Variants in FAXDC2 observed in about 807,000 individuals in gnomAD.
FAXDC2 encodes the protein fatty acid hydroxylase domain containing 2.
FAXDC2 carries 41 observed loss-of-function variants against 40.9 expected under a neutral mutation model. The observed-to-expected ratio is 1.00, with a 90% CI of 0.78 to 1.30. The LOEUF (loss-of-function observed/expected upper bound fraction) is 1.30, where lower values mean the gene tolerates loss of function less well. Ranked by LOEUF, FAXDC2 falls within the 50% of genes most tolerant of loss-of-function variation. FAXDC2 has a pLI of 0.00. For synonymous variants in FAXDC2, 157 were observed against 149.3 expected (o/e 1.05, Z -0.38); for missense variants, 390 against 408.8 (o/e 0.95, Z 0.40).
chr5:154,833,696 GT>G (rs1315663720), intron 4 of FAXDC2, among the ~76,000 whole-genome samples: 2 of 149,446 alleles, frequency 1.3e-5, no homozygotes, highest in East Asian at 4.0e-4. Context: ...TTGAGACGAA[GT>G]TTCACACTGT....
rs1236875676 is a variant in FAXDC2, at chr5:154,818,718, G to A, written c.*1598C>T. ...CCCTTACAGTACCTCAAAATCTAAAGGCCTTAAAGGGGAAAAAAACCGTAT... is the reference window on the plus strand; with the variant it reads ...CCCTTACAGTACCTCAAAATCTAAAAGCCTTAAAGGGGAAAAAAACCGTAT... On this transcript the variant is annotated 3_prime_UTR_variant, in exon 9 of 9. Coordinates refer to ENST00000326080, the MANE Select transcript of FAXDC2 (RefSeq NM_032385.5). 1.3e-5 allele frequency: 2 copies of A among 152,128 alleles called. No homozygotes were observed. Among genetic ancestry groups the A allele is most frequent in the Non-Finnish European group, 2.9e-5 (2 of 68,016 alleles). 9.4% of individuals were successfully genotyped at this position (152,128 alleles called of 1,614,324 possible). A position where few individuals can be genotyped will look rare whatever the true frequency, so the allele number is the denominator to read the frequency against.
At chr5:154,824,460 C>T (rs1759971562) in intron 5 of FAXDC2, 2 of 702,474 alleles carry the variant, frequency 2.8e-6, no homozygotes, top group South Asian at 1.5e-5. Flanking sequence ...TGAGGCCTGC[C>T]TCTTCCTCCA....
At chr5:154,833,648 C>T (rs1760247397) in intron 4 of FAXDC2, among the ~76,000 whole-genome samples, 1 of 152,014 alleles carries the variant, frequency 6.6e-6, no homozygotes, top group Admixed American at 6.6e-5. Flanking sequence ...GCCACTGTGC[C>T]CAGCCCCATC....
Position 154,821,327 on chromosome 5 carries a change from T to C in FAXDC2, c.778A>G (p.Ile260Val). 6.2e-7 allele frequency: 1 copy of C among 1,610,218 alleles called. No individual in the cohort carries two copies. Among genetic ancestry groups the C allele is most frequent in the Non-Finnish European group, 8.5e-7 (1 of 1,178,594 alleles). ...WFSLALIITT[I>V]SHCGYHLPFL... Reference sequence around the variant, plus strand: ...GGAAGGTGGTAGCCACAGTGGGAGATGGTGGTGATGATGAGGGCCAAGGAA... The same window carrying C: ...GGAAGGTGGTAGCCACAGTGGGAGACGGTGGTGATGATGAGGGCCAAGGAA... Residue 260 changes from isoleucine (I) to valine (V), a missense_variant, in exon 8 of 9, where the codon ATC becomes GTC. Physicochemically the swap from Ile to Val is conservative, Grantham distance 29 (BLOSUM62 3). Transcript: ENST00000326080.
At chr5:154,835,118 G>A (rs2113152490) in intron 2 of FAXDC2, 184 bp from the exon 3 acceptor site, 2 of 580,618 alleles carry the variant, frequency 3.4e-6, no homozygotes, top group South Asian at 4.0e-5. Flanking sequence ...GGAGCTCTCA[G>A]GCTGTACATG....
At chr5:154,836,054 C>T (rs1760339797) in intron 2 of FAXDC2, 1 of 152,000 alleles carries the variant, frequency 6.6e-6, no homozygotes, top group Non-Finnish European at 1.5e-5. Flanking sequence ...CCATGCCCAC[C>T]TAATGTTTGT....
chr5:154,839,318 T>C, intron 1 of FAXDC2, among the ~76,000 whole-genome samples: 2 of 134,732 alleles, frequency 1.5e-5, no homozygotes. Context: ...AGAGCAAGAC[T>C]CCATCTCAAA....
chr5:154,830,927 G>A lies in FAXDC2; in HGVS notation c.245-5C>T, dbSNP rs1760172874. 1 of 1,613,368 alleles carries A rather than the reference G, an allele frequency of 6.2e-7. No homozygotes were observed. The highest frequency in any genetic ancestry group is 8.5e-7 in the Non-Finnish European group (1 of 1,179,496). ...GACAAGGCACTTGGATGGCACCTGAGATTGGGAAACAGAAACAGTCAGGGC... is the reference window on the plus strand; with the variant it reads ...GACAAGGCACTTGGATGGCACCTGAAATTGGGAAACAGAAACAGTCAGGGC... On this transcript the variant is annotated splice_region_variant and splice_polypyrimidine_tract_variant and intron_variant, in intron 4 of 8. Transcript: ENST00000326080.
chr5:154,841,610 T>A (rs571782135), intron 1 of FAXDC2, among the ~76,000 whole-genome samples: 1 of 152,338 alleles, frequency 6.6e-6, no homozygotes, highest in South Asian at 2.1e-4. Context: ...TTCTCCACCC[T>A]CATTGTCCTA....
intron 8 of FAXDC2, chr5:154,820,826 C>T (rs1296050917): frequency 1.2e-5 from 3 of 250,400 alleles, no homozygotes; most frequent in African/African-American, 6.9e-5. Context: ...CCCTGCTCCC[C>T]CAGATACCTT....
rs376299273 is a variant in FAXDC2 at position 154,838,193 on chromosome 5, C to T, written c.1-15G>A. On this transcript the variant is annotated splice_polypyrimidine_tract_variant and intron_variant, in intron 1 of 8. Coordinates refer to ENST00000326080, the MANE Select transcript of FAXDC2 (RefSeq NM_032385.5). ...TCTCCTTTCATCTGGAATGAGAAAG[C>T]ACAGGCGAGCCGGGGAGTTATTTTC... 1.4e-4 allele frequency: 225 copies of T among 1,612,318 alleles called. No homozygotes were observed. The highest frequency in any genetic ancestry group is 6.3e-4 in the African/African-American group (47 of 74,814).
At chr5:154,823,349 A>T in intron 6 of FAXDC2, 38 bp downstream of exon 6, 1 of 1,591,828 alleles carries the variant, frequency 6.3e-7, no homozygotes, top group Non-Finnish European at 8.6e-7. Flanking sequence ...CCTAGACAGG[A>T]TGAGGAGCCA....
At chr5:154,846,534 A>C (rs898785595) in intron 1 of FAXDC2, among the ~76,000 whole-genome samples, 2 of 152,152 alleles carry the variant, frequency 1.3e-5, no homozygotes, top group African/African-American at 4.8e-5. Flanking sequence ...TACTAAAAGT[A>C]AATATTTTTT....
In FAXDC2 at chr5:154,823,388, G is replaced by A. The variant is rs780658581; in HGVS notation, c.571C>T (p.Arg191Trp). 1.5e-5 allele frequency: 24 copies of A among 1,613,084 alleles called. No homozygotes were observed. Among genetic ancestry groups the A allele is most frequent in the South Asian group, 1.2e-4 (11 of 91,018 alleles). ...GTGCCTCAGGCAGGGCCTGCTCACC[G>A]GTGTGAATAGTAGAACAAGACTTCC... ...IEEVLFYYSH[R>W]LLHHPTFYKK... The change falls in exon 6 of 9, where the codon CGG (arginine) becomes TGG (tryptophan). Residue 191 changes from arginine to tryptophan, a missense_variant and splice_region_variant. Arg to Trp is a moderately radical substitution (Grantham distance 101). Transcript: ENST00000326080.
chr5:154,849,408 T>C (rs1760680522), intron 1 of FAXDC2, among the ~76,000 whole-genome samples: 1 of 152,178 alleles, frequency 6.6e-6, no homozygotes, highest in African/African-American at 2.4e-5. Context: ...CCCTTTGAGC[T>C]TACTGTTCTG....
At chr5:154,845,777 A>C (rs1212604075) in intron 1 of FAXDC2, among the ~76,000 whole-genome samples, 2 of 151,250 alleles carry the variant, frequency 1.3e-5, no homozygotes, top group Non-Finnish European at 2.9e-5. Context: ...TTTGGCTTCA[A>C]GTTGGACACC....
intron 1 of FAXDC2, among the ~76,000 whole-genome samples, chr5:154,843,561 A>G (rs1294706640): frequency 6.6e-6 from 1 of 152,252 alleles, no homozygotes; most frequent in Non-Finnish European, 1.5e-5. Context: ...AAATCTCTAT[A>G]GGAAGACAAT....
intron 1 of FAXDC2, among the ~76,000 whole-genome samples, chr5:154,846,292 G>GTA (rs1221918883): frequency 2.0e-5 from 3 of 151,904 alleles, no homozygotes; most frequent in African/African-American, 7.3e-5. Context: ...GTGTGTGTGT[G>GTA]TGTGTGTTAA....
intron 4 of FAXDC2, 119 bp from the exon 5 acceptor site, chr5:154,831,041 G>T: frequency 7.7e-7 from 1 of 1,302,540 alleles, no homozygotes; most frequent in East Asian, 2.4e-5. Context: ...TTGCCAGGGA[G>T]GTCTTAGGGC....
Sources: allele counts gnomAD v4.1 joint callset (sites outside exome capture counted in the v4.1 genomes callset), GRCh38; gene constraint gnomAD v4.1.1; transcripts MANE v1.5; gene names NCBI Gene and HGNC (gene_info 2026-07-23, HGNC 2026-07-21).